Variants in BBS7 observed in about 807,000 individuals in gnomAD.
The protein encoded by BBS7 is Bardet-Biedl syndrome 7.
Under a neutral mutation model 90.3 loss-of-function variants are expected in BBS7, and 50 were observed. The observed-to-expected ratio is 0.55, with a 90% CI of 0.44 to 0.70. The LOEUF (loss-of-function observed/expected upper bound fraction) is 0.70. Ranked by LOEUF, BBS7 falls within the 30% of genes least tolerant of loss-of-function variation. BBS7 has a pLI of 0.00. For missense variants in BBS7, 729 were observed against 838.9 expected (o/e 0.87, Z 1.62); for synonymous variants, 235 against 287.4 (o/e 0.82, Z 1.85).
At chr4:121,867,854 T>A (rs1727371872) in intron 2 of BBS7, 127 bp downstream of exon 2, 1 of 860,362 alleles carries the variant, frequency 1.2e-6, no homozygotes, top group Non-Finnish European at 1.9e-6. Flanking sequence ...TCTGTTCAAA[T>A]TAAAAAATTC....
intron 9 of BBS7, among the ~76,000 whole-genome samples, chr4:121,847,995 TA>T (rs2149071579): frequency 6.6e-6 from 1 of 152,216 alleles, no homozygotes; most frequent in African/African-American, 2.4e-5. Flanking sequence ...GTCCAAAACA[TA>T]AAATAAATCT....
chr4:121,852,830 A>C, intron 8 of BBS7, 126 bp downstream of exon 8: 1 of 991,454 alleles, frequency 1.0e-6, no homozygotes, highest in Non-Finnish European at 1.5e-6. Flanking sequence ...GATAACATCA[A>C]AATAGCAATA....
At chr4:121,857,976 T>C (rs1726772892) in intron 5 of BBS7, among the ~76,000 whole-genome samples, 1 of 152,114 alleles carries the variant, frequency 6.6e-6, no homozygotes, top group South Asian at 2.1e-4. Flanking sequence ...CCAGCTAATT[T>C]TGTATTTTTA....
intron 9 of BBS7, 111 bp downstream of exon 9, chr4:121,848,732 AG>A (rs1726144008): frequency 8.6e-6 from 7 of 814,808 alleles, no homozygotes; most frequent in African/African-American, 1.7e-5. Context: ...CCCATGAATA[AG>A]GGGGGACTAC....
At chr4:121,840,982 T>C (rs141724512) in intron 12 of BBS7, among the ~76,000 whole-genome samples, 1 of 151,830 alleles carries the variant, frequency 6.6e-6, no homozygotes, top group Admixed American at 6.6e-5. Context: ...GGACTACAGG[T>C]GCATGCCACC....
At chr4:121,845,789 A>G (rs1725984518) in intron 10 of BBS7, 93 bp from the exon 11 acceptor site, 1 of 1,250,436 alleles carries the variant, frequency 8.0e-7, no homozygotes, top group Non-Finnish European at 1.1e-6. Context: ...TTGCTTTTAC[A>G]AAATGGGTTT....
chr4:121,852,577 C>A (rs897172152), intron 8 of BBS7, among the ~76,000 whole-genome samples: 4 of 151,804 alleles, frequency 2.6e-5, no homozygotes, highest in Non-Finnish European at 5.9e-5. Flanking sequence ...CTGATACTGT[C>A]CTAACAATAT....
chr4:121,848,838 C>T lies in BBS7; in HGVS notation c.934+6G>A, dbSNP rs1726152687. On this transcript the variant is annotated splice_donor_region_variant and intron_variant, in intron 9 of 18. Coordinates refer to ENST00000264499, the MANE Select transcript of BBS7 (RefSeq NM_176824.3). ...TTCTTCAATTACCTATTATCATTTACTTTACCTGAATATGTGGACACCACG... is the reference window on the plus strand; with the variant it reads ...TTCTTCAATTACCTATTATCATTTATTTTACCTGAATATGTGGACACCACG... The T allele has an allele frequency of 6.2e-7, 1 of 1,610,626 alleles. No homozygotes were observed. Among genetic ancestry groups the T allele is most frequent in the Non-Finnish European group, 8.5e-7 (1 of 1,177,366 alleles).
Position 121,848,934 on chromosome 4 carries a change from A to G in BBS7, c.850-6T>C. On this transcript the variant is annotated splice_region_variant and splice_polypyrimidine_tract_variant and intron_variant, in intron 8 of 18. Transcript: ENST00000264499. ...GTGACGCTTTCAGACAACATCTAAAAAAGTTTAAGACCAAGCACTTCATTA... is the reference window on the plus strand; with the variant it reads ...GTGACGCTTTCAGACAACATCTAAAGAAGTTTAAGACCAAGCACTTCATTA... 1 of 1,612,560 alleles carries G rather than the reference A, an allele frequency of 6.2e-7. No homozygotes were observed. The highest frequency in any genetic ancestry group is 8.5e-7 in the Non-Finnish European group (1 of 1,178,918).
chr4:121,852,926 T>C, intron 8 of BBS7, 30 bp downstream of exon 8: 1 of 1,605,952 alleles, frequency 6.2e-7, no homozygotes, highest in Non-Finnish European at 8.5e-7. Flanking sequence ...TGACAAATAA[T>C]AAGCATATAG....
intron 5 of BBS7, among the ~76,000 whole-genome samples, chr4:121,855,892 A>G (rs1485967240): frequency 2.8e-5 from 4 of 142,946 alleles, no homozygotes; most frequent in Non-Finnish European, 4.4e-5. Context: ...ATATGTACAT[A>G]CATGTATGTG....
At chr4:121,869,640 G>C (rs1225350706) in intron 1 of BBS7, among the ~76,000 whole-genome samples, 1 of 152,164 alleles carries the variant, frequency 6.6e-6, no homozygotes, top group Non-Finnish European at 1.5e-5. Context: ...CCGAGTTCAA[G>C]CGATTCTCCT....
intron 4 of BBS7, 40 bp from the exon 5 acceptor site, chr4:121,859,218 G>A: frequency 6.4e-7 from 1 of 1,571,834 alleles, no homozygotes; most frequent in Admixed American, 1.7e-5. Flanking sequence ...AATAAGCACA[G>A]GTACTGAATT....
intron 11 of BBS7, among the ~76,000 whole-genome samples, chr4:121,845,155 G>C (rs1435599888): frequency 1.3e-5 from 2 of 152,088 alleles, no homozygotes; most frequent in Non-Finnish European, 2.9e-5. Context: ...GATCACCAGA[G>C]GTCAGGAGTT....
chr4:121,856,806 G>C (rs1425426561), intron 5 of BBS7, among the ~76,000 whole-genome samples: 2 of 142,644 alleles, frequency 1.4e-5, no homozygotes, highest in Non-Finnish European at 3.1e-5. Context: ...ATCTTGCTTT[G>C]TTGCCCAGGC....
chr4:121,833,427 G>A (rs1445904893), intron 14 of BBS7, 32 bp from the exon 15 acceptor site: 8 of 1,597,778 alleles, frequency 5.0e-6, no homozygotes, highest in South Asian at 1.1e-5. Context: ...GCACATTTAT[G>A]TGTGGGAATA....
Position 121,844,173 on chromosome 4 carries a change from T to C in BBS7, c.1231-172A>G, listed in dbSNP as rs527732242. Reference sequence around the variant, plus strand: ...AGTATATACTTCCAGAAAATAAATATAATAAAGAATAAATGTTATTTTACA... The same window carrying C: ...AGTATATACTTCCAGAAAATAAATACAATAAAGAATAAATGTTATTTTACA... On this transcript the variant is annotated intron_variant, in intron 11 of 18. Transcript: ENST00000264499. Among the ~76,000 whole-genome samples, 12 of 152,302 alleles carry C rather than the reference T, an allele frequency of 7.9e-5. No homozygotes were observed. In the South Asian group the frequency reaches 2.1e-3, roughly 26 times the overall value.
In BBS7 at chr4:121,847,423, T is replaced by G; in HGVS notation, c.1018A>C (p.Asn340His). ...EELKINQEMQ[N>H]KISSLRNELE... is the part of the protein sequence containing the mutation. ...AGTTACCGTAAGGAAGAAATTTTAT[T>G]CTGCATCTCCTGATTAATTTTTAGT... The change falls in exon 10 of 19, where the codon AAT becomes CAT. Residue 340 changes from asparagine to histidine, a missense_variant. By Grantham distance (68) the Asn-to-His change is moderately conservative. Transcript: ENST00000264499. 1 of 1,612,488 alleles carries G rather than the reference T, an allele frequency of 6.2e-7. No homozygotes were observed. Among genetic ancestry groups the G allele is most frequent in the Non-Finnish European group, 8.5e-7 (1 of 1,178,750 alleles).
At chr4:121,829,453 G>T (rs1560639604) in intron 15 of BBS7, among the ~76,000 whole-genome samples, 2 of 152,264 alleles carry the variant, frequency 1.3e-5, no homozygotes, top group East Asian at 1.9e-4. Flanking sequence ...GGCCAGGATG[G>T]TCTCGATCTC....
Sources: allele counts gnomAD v4.1 joint callset (sites outside exome capture counted in the v4.1 genomes callset), GRCh38; gene constraint gnomAD v4.1.1; transcripts MANE v1.5; gene names NCBI Gene and HGNC (gene_info 2026-07-23, HGNC 2026-07-21).